TMC5: variants seen among roughly 807,000 people sequenced by gnomAD.
The protein encoded by TMC5 is transmembrane channel like 5.
Under a neutral mutation model 110.5 loss-of-function variants are expected in TMC5, and 86 were observed. That is an observed-to-expected ratio of 0.78 (90% CI 0.65 to 0.93). TMC5 has a LOEUF of 0.93. TMC5 is among the 40% of genes least tolerant of loss of function. TMC5 has a pLI of 0.00. For missense variants in TMC5, 1,144 were observed against 1,222.8 expected, an observed-to-expected ratio of 0.94 and a Z score of 0.96; for synonymous variants, 455 against 439.5, an observed-to-expected ratio of 1.04 and a Z score of -0.44.
At chr16:19,464,137 G>C in intron 8 of TMC5, 113 bp downstream of exon 8, 15 of 1,239,956 alleles carry the variant, frequency 1.2e-5, no homozygotes, top group East Asian at 7.0e-5. Context: ...TCAACTGATG[G>C]GGAAAGTGGA....
At chr16:19,481,035 C>A (rs1403928093) in intron 14 of TMC5, among the ~76,000 whole-genome samples, 1 of 151,738 alleles carries the variant, frequency 6.6e-6, no homozygotes, top group East Asian at 1.9e-4. Flanking sequence ...TCATCTGGTT[C>A]ATGAAAAAAT....
rs942487436 is a variant in TMC5 at position 19,433,355 on chromosome 16, C to A, written c.-80+2715C>A. Among the ~76,000 whole-genome samples the A allele has an allele frequency of 3.3e-5, 5 of 152,232 alleles. No homozygotes were observed. The East Asian group carries it at 9.7e-4, about 29-fold the overall frequency. On this transcript the variant is annotated intron_variant, in intron 2 of 21. Coordinates refer to ENST00000542583, the MANE Select transcript of TMC5 (RefSeq NM_001261841.2). ...TCTCATTTTGGCTTTTGAATGCTTT[C>A]TCTTGGAAGTGACACAGTCACTTAT...
chr16:19,440,689 A>G lies in TMC5; in HGVS notation c.651A>G (p.Pro217=), dbSNP rs1398773587. The G allele has an allele frequency of 6.2e-7, 1 of 1,613,980 alleles. No homozygotes were observed. The highest frequency in any genetic ancestry group is 2.2e-5 in the East Asian group (1 of 44,870). The change falls in exon 3 of 22, where the codon CCA becomes CCG. Residue 217 remains proline, a synonymous_variant. Coordinates refer to ENST00000542583, the MANE Select transcript of TMC5 (RefSeq NM_001261841.2). ...GCGCTGACATTCAACCTAACTCTCC[A>G]CCCTTTTTTGGGGAGCCAGACTATC... is the stretch of plus-strand genomic sequence containing the variant. The part of the protein sequence containing the change: ...YPGADIQPNS[P]PFFGEPDYPS...
chr16:19,444,284 GA>G (rs1437658134), intron 4 of TMC5, 34 bp downstream of exon 4: 2 of 1,598,316 alleles, frequency 1.3e-6, no homozygotes, highest in Admixed American at 3.4e-5. Flanking sequence ...CATATCCTGG[GA>G]AAAAACTGAA....
chr16:19,429,220 A>G (rs1373968540), intron 1 of TMC5, among the ~76,000 whole-genome samples: 1 of 152,174 alleles, frequency 6.6e-6, no homozygotes. Context: ...TTAGGCTCCA[A>G]GGAGTCTAAG....
chr16:19,481,582 C>A, intron 15 of TMC5, 117 bp downstream of exon 15: 1 of 742,592 alleles, frequency 1.3e-6, no homozygotes, highest in Non-Finnish European at 2.4e-6. Context: ...GATAACCCAT[C>A]CAGCCAGTCT....
Position 19,426,052 on chromosome 16 carries a change from C to T in TMC5, c.-307-4361C>T, listed in dbSNP as rs573767366. ...GTTAATGCCTGTCCAGATCTTAGAA[C>T]AGTGCCTGGCACTGATATATAAGTT... is the stretch of plus-strand genomic sequence containing the variant. On this transcript the variant is annotated intron_variant, in intron 1 of 21. Transcript: ENST00000542583. Among the ~76,000 whole-genome samples, 8 of 152,346 alleles carry T rather than the reference C, an allele frequency of 5.3e-5. No individual in the cohort carries two copies. In the South Asian group the frequency reaches 1.5e-3, roughly 28 times the overall value.
At chr16:19,487,995 C>T (rs1279354757) in intron 17 of TMC5, 2 of 152,650 alleles carry the variant, frequency 1.3e-5, no homozygotes, top group East Asian at 1.9e-4. Flanking sequence ...GCTGGTTTGT[C>T]AGTAGGCTGT....
chr16:19,413,542 AAAAAAAAAAAAAAAAAAG>A (rs2143312090), upstream of TMC5, among the ~76,000 whole-genome samples: 1 of 94,388 alleles, frequency 1.1e-5, no homozygotes, highest in African/African-American at 5.7e-5. Context: ...AAAAAAAAAA[AAAAAAAAAAAAAAAAAAG>A]CCAGGGCAGT....
intron 3 of TMC5, among the ~76,000 whole-genome samples, chr16:19,443,568 C>T (rs1027275637): frequency 1.3e-5 from 2 of 152,220 alleles, no homozygotes; most frequent in Non-Finnish European, 2.9e-5. Context: ...CTGTGAGCTT[C>T]TTGAGGGCAG....
chr16:19,473,943 G>C (rs947617788), intron 11 of TMC5, among the ~76,000 whole-genome samples, 182 bp from the exon 12 acceptor site: 4 of 152,152 alleles, frequency 2.6e-5, no homozygotes, highest in African/African-American at 9.7e-5. Flanking sequence ...TCGCGCCACT[G>C]CAGTCCAGCC....
chr16:19,476,783 C>T (rs796633994), intron 12 of TMC5: 5 of 152,256 alleles, frequency 3.3e-5, no homozygotes, highest in African/African-American at 1.2e-4. Context: ...ATTTCTTGCT[C>T]GTGTTATATA....
upstream of TMC5, chr16:19,410,697 A>C (rs9934889): frequency 0.83 from 126,840 of 152,290 alleles, 53,019 homozygotes; most frequent in African/African-American, 0.9. Context: ...CGGTGCAGGG[A>C]GCGCCGCCTG....
At chr16:19,455,802 A>C (rs1416873415) in intron 5 of TMC5, among the ~76,000 whole-genome samples, 1 of 152,210 alleles carries the variant, frequency 6.6e-6, no homozygotes, top group Non-Finnish European at 1.5e-5. Flanking sequence ...AGAAGATTAG[A>C]GACTGAGAGC....
intron 5 of TMC5, among the ~76,000 whole-genome samples, chr16:19,450,602 T>A (rs770233573): frequency 7.6e-6 from 1 of 132,242 alleles, no homozygotes; most frequent in Non-Finnish European, 1.5e-5. Flanking sequence ...ACACGGCCAA[T>A]AGCAGGCCCA....
upstream of TMC5, among the ~76,000 whole-genome samples, chr16:19,413,523 C>CAAAAAAAAAA (rs869158130): frequency 1.1e-4 from 6 of 52,982 alleles, no homozygotes; most frequent in African/African-American, 2.9e-4. Flanking sequence ...AACCCTGCCT[C>CAAAAAAAAAA]AAAAAAAAAA....
intron 5 of TMC5, 65 bp downstream of exon 5, chr16:19,449,696 G>T: frequency 1.4e-6 from 2 of 1,429,990 alleles, no homozygotes; most frequent in East Asian, 4.5e-5. Flanking sequence ...ATCCCCATGT[G>T]TCGGGGGAGA....
chr16:19,488,087 G>A (rs1968797352), intron 17 of TMC5, among the ~76,000 whole-genome samples: 2 of 152,222 alleles, frequency 1.3e-5, no homozygotes, highest in East Asian at 3.9e-4. Flanking sequence ...GAGTGTGAGA[G>A]CCTGATAAAG....
At chr16:19,458,709 A>G (rs1032319672) in intron 5 of TMC5, among the ~76,000 whole-genome samples, 2 of 152,038 alleles carry the variant, frequency 1.3e-5, no homozygotes, top group Admixed American at 6.6e-5. Flanking sequence ...TTCCTCTTCC[A>G]TCTTTCTTCC....
Sources: gnomAD v4.1 joint callset for allele counts (sites outside exome capture counted in the v4.1 genomes callset) on GRCh38, gnomAD v4.1.1 for gene constraint, MANE v1.5 for transcripts, NCBI Gene and HGNC (gene_info 2026-07-23, HGNC 2026-07-21) for gene names.